The following TMEM132D variants were observed in gnomAD, a reference collection of about 807,000 sequenced individuals.
TMEM132D encodes transmembrane protein 132D, also known as mature OL transmembrane protein.
In TMEM132D, 21 loss-of-function variants were observed where a neutral mutation model predicts 62.3. The observed-to-expected ratio is 0.34, with a 90% CI of 0.24 to 0.49. TMEM132D has a LOEUF of 0.49. TMEM132D is among the 20% of genes least tolerant of loss of function. The pLI is 0.99. For synonymous variants in TMEM132D, 621 were observed against 575.6 expected (o/e 1.08, Z -1.13); for missense variants, 1,346 against 1,402.8 (o/e 0.96, Z 0.65).
intron 4 of TMEM132D, among the ~76,000 whole-genome samples, chr12:129,249,110 A>T (rs1240210702): frequency 6.6e-6 from 1 of 152,182 alleles, no homozygotes; most frequent in East Asian, 1.9e-4. Flanking sequence ...ATCCTCAAAG[A>T]TCCCGGGATA....
At chr12:129,450,628 G>A (rs1356632762) in intron 3 of TMEM132D, among the ~76,000 whole-genome samples, 11 of 152,106 alleles carry the variant, frequency 7.2e-5, no homozygotes, top group African/African-American at 2.4e-5. Context: ...GGCAGCATCA[G>A]CTGTGAAACC....
At position 129,407,605 on chromosome 12, in the gene TMEM132D, G is replaced by A. The variant is rs550027125; in HGVS notation, c.1116-69788C>T. Among the ~76,000 whole-genome samples the A allele has an allele frequency of 3.3e-5, 5 of 152,124 alleles. No homozygotes were observed. The South Asian group carries it at 8.3e-4, about 25-fold the overall frequency. On this transcript the variant is annotated intron_variant, in intron 3 of 8. Transcript: ENST00000422113. ...GGGACCCATTTTTCTTAATCTTTAAGTTAAAAATCAGCTAATTTTGGCCGG... is the reference window on the plus strand; with the variant it reads ...GGGACCCATTTTTCTTAATCTTTAAATTAAAAATCAGCTAATTTTGGCCGG...
chr12:129,653,771 A>G (rs1317548210), intron 2 of TMEM132D, among the ~76,000 whole-genome samples: 1 of 152,232 alleles, frequency 6.6e-6, no homozygotes, highest in African/African-American at 2.4e-5. Context: ...CACACACGCC[A>G]CACAGCTTCC....
At chr12:129,092,581 G>A (rs1332033663) in intron 5 of TMEM132D, among the ~76,000 whole-genome samples, 1 of 152,158 alleles carries the variant, frequency 6.6e-6, no homozygotes, top group Non-Finnish European at 1.5e-5. Flanking sequence ...TGTAATCCCA[G>A]CTACTTGGGA....
intron 5 of TMEM132D, among the ~76,000 whole-genome samples, chr12:129,132,188 T>A (rs569093469): frequency 1.5e-3 from 222 of 152,330 alleles, no homozygotes; most frequent in African/African-American, 4.8e-3. Flanking sequence ...AGTAACCTGT[T>A]TGTTCAAAAG....
intron 1 of TMEM132D, among the ~76,000 whole-genome samples, chr12:129,899,503 C>T (rs1433031812): frequency 6.7e-6 from 1 of 149,760 alleles, no homozygotes; most frequent in Non-Finnish European, 1.5e-5. Context: ...GATGGATGGA[C>T]GGATGAATGA....
intron 3 of TMEM132D, among the ~76,000 whole-genome samples, chr12:129,404,193 TTTAG>T (rs1871703784): frequency 6.9e-6 from 1 of 144,482 alleles, no homozygotes; most frequent in Admixed American, 6.9e-5. Context: ...GACTGGGTTA[TTTAG>T]TTATTTATTT....
At chr12:129,581,678 C>T (rs192707677) in intron 2 of TMEM132D, among the ~76,000 whole-genome samples, 2 of 152,264 alleles carry the variant, frequency 1.3e-5, no homozygotes, top group African/African-American at 2.4e-5. Context: ...TTATCCTAGC[C>T]GAGCTGGCAG....
At chr12:129,088,573 G>GA (rs201453331) in intron 5 of TMEM132D, among the ~76,000 whole-genome samples, 2 of 35,580 alleles carry the variant, frequency 5.6e-5, no homozygotes, top group Non-Finnish European at 9.7e-5. Flanking sequence ...CCCTGACCGG[G>GA]TGTCCTCCAT....
In TMEM132D at chr12:129,319,175, T is replaced by C. The variant is rs566293342; in HGVS notation, c.1299+18459A>G. 1.2e-3 allele frequency among the ~76,000 whole-genome samples: 188 copies of C among 152,324 alleles called. 1 individual carries two copies. The highest frequency in any genetic ancestry group is 4.3e-3 in the African/African-American group (178 of 41,578). On this transcript the variant is annotated intron_variant, in intron 4 of 8. Transcript: ENST00000422113. ...GTTCAGCTAAAGAATTCCTTCTCCA[T>C]GTGGAGTTTTACCCCCTGCTCCTCT...
rs117088869 is a variant in TMEM132D, at chr12:129,222,139, C to A, written c.1300-12476G>T. On this transcript the variant is annotated intron_variant, in intron 4 of 8. Coordinates refer to ENST00000422113, the MANE Select transcript of TMEM132D (RefSeq NM_133448.3). ...AATAAAATAATAAAATAAAATAATT[C>A]TTCTACCTTTGGGGAGGCAGCAAGA... is the stretch of plus-strand genomic sequence containing the variant. Among the ~76,000 whole-genome samples the A allele has an allele frequency of 2.6e-3, 398 of 152,236 alleles. 10 individuals carry two copies. In the East Asian group the frequency reaches 0.059, roughly 23 times the overall value.
At chr12:129,895,639 C>T (rs925295267) in intron 1 of TMEM132D, among the ~76,000 whole-genome samples, 4 of 152,178 alleles carry the variant, frequency 2.6e-5, no homozygotes, top group Non-Finnish European at 4.4e-5. Flanking sequence ...ACGAACATTC[C>T]TTCTGCTTCA....
intron 2 of TMEM132D, among the ~76,000 whole-genome samples, chr12:129,696,701 G>A (rs264490): frequency 0.3 from 44,983 of 152,068 alleles, 7,289 homozygotes; most frequent in Non-Finnish European, 0.37. Flanking sequence ...ACTGGGATGC[G>A]TCTGAGCCTT....
At chr12:129,571,252 C>T (rs938434415) in intron 2 of TMEM132D, among the ~76,000 whole-genome samples, 1 of 152,100 alleles carries the variant, frequency 6.6e-6, no homozygotes, top group Non-Finnish European at 1.5e-5. Flanking sequence ...GCAGGCTACT[C>T]TTTATTGTCT....
rs183547481 is a variant in TMEM132D at position 129,648,215 on chromosome 12, G to T, written c.968+51595C>A. On this transcript the variant is annotated intron_variant, in intron 2 of 8. Coordinates refer to ENST00000422113, the MANE Select transcript of TMEM132D (RefSeq NM_133448.3). ...ATGTTTCAGCCCTTGCATTCTGCTG[G>T]ATCAGCTGGCACCACCCAGATTGGT... is the stretch of plus-strand genomic sequence containing the variant. 4.1e-4 allele frequency among the ~76,000 whole-genome samples: 63 copies of T among 152,142 alleles called. 1 individual carries two copies. Among genetic ancestry groups the T allele is most frequent in the African/African-American group, 1.4e-3 (57 of 41,498 alleles).
intron 2 of TMEM132D, among the ~76,000 whole-genome samples, chr12:129,684,401 T>C (rs1004215640): frequency 5.9e-5 from 9 of 152,226 alleles, no homozygotes; most frequent in African/African-American, 2.2e-4. Flanking sequence ...TTGCTTCCCC[T>C]TCCACCATAA....
chr12:129,643,221 C>T (rs1879688231), intron 2 of TMEM132D, among the ~76,000 whole-genome samples: 1 of 152,100 alleles, frequency 6.6e-6, no homozygotes, highest in South Asian at 2.1e-4. Context: ...CCACACCTAG[C>T]CACAGATCAT....
intron 3 of TMEM132D, 65 bp downstream of exon 3, chr12:129,530,990 GAAAA>G: frequency 2.4e-6 from 3 of 1,267,164 alleles, no homozygotes; most frequent in Non-Finnish European, 2.1e-6. Flanking sequence ...AGCAATCTAG[GAAAA>G]AAAAAAAAAA....
At chr12:129,152,749 T>A (rs1877110632) in intron 5 of TMEM132D, among the ~76,000 whole-genome samples, 1 of 152,206 alleles carries the variant, frequency 6.6e-6, no homozygotes, top group Non-Finnish European at 1.5e-5. Context: ...TGTTGGTCAT[T>A]TGCCCTCACG....
Sources: gnomAD v4.1 joint callset for allele counts (sites outside exome capture counted in the v4.1 genomes callset) on GRCh38, gnomAD v4.1.1 for gene constraint, MANE v1.5 for transcripts, NCBI Gene and HGNC (gene_info 2026-07-23, HGNC 2026-07-21) for gene names.